Variants in HDLBP observed in about 807,000 individuals in gnomAD.
HDLBP encodes vigilin.
A neutral mutation model predicts 137.3 loss-of-function variants in HDLBP; 30 were observed. The ratio of observed to expected loss-of-function variants is 0.22; its 90% confidence interval spans 0.16 to 0.30. The LOEUF (loss-of-function observed/expected upper bound fraction) is 0.30, where lower values mean the gene tolerates loss of function less well. HDLBP is among the 10% of genes least tolerant of loss of function. The probability of loss-of-function intolerance (pLI) is 1.00; values close to 1 mark genes in which losing one functional copy is unlikely to be tolerated. For synonymous variants in HDLBP, 606 were observed against 596.0 expected (o/e 1.02, Z -0.24); for missense variants, 1,119 against 1,667.3 (o/e 0.67, Z 5.73).
intron 1 of HDLBP, among the ~76,000 whole-genome samples, chr2:241,294,884 T>C (rs2149669407): frequency 6.6e-6 from 1 of 152,218 alleles, no homozygotes; most frequent in African/African-American, 2.4e-5. Flanking sequence ...GTGGGTCACC[T>C]GAGGTCAGGA....
chr2:241,258,410 G>C lies in HDLBP; in HGVS notation c.451-1604C>G, dbSNP rs185303382. Reference sequence around the variant, plus strand: ...ATGGTGACGTGTGCCTGTGGTCCCAGCTACTGGGGTGGCTGAGGCAGGAGA... The same window carrying C: ...ATGGTGACGTGTGCCTGTGGTCCCACCTACTGGGGTGGCTGAGGCAGGAGA... On this transcript the variant is annotated intron_variant, in intron 5 of 27. Transcript: ENST00000310931. Among the ~76,000 whole-genome samples the C allele has an allele frequency of 4.1e-3, 617 of 149,944 alleles. 4 individuals are homozygous for C. The highest frequency in any genetic ancestry group is 5.9e-3 in the Non-Finnish European group (398 of 67,764).
chr2:241,264,345 G>GA, intron 4 of HDLBP, 103 bp downstream of exon 4: 1 of 795,976 alleles, frequency 1.3e-6, no homozygotes, highest in African/African-American at 1.8e-5. Context: ...CTGGGCGACA[G>GA]AGCGGGACTC....
chr2:241,290,349 G>A (rs989784606), intron 1 of HDLBP, among the ~76,000 whole-genome samples: 2 of 152,068 alleles, frequency 1.3e-5, no homozygotes, highest in East Asian at 3.9e-4. Flanking sequence ...AGTGGTTTAC[G>A]CCTGTAATCC....
Position 241,255,360 on chromosome 2 carries a change from TCG to T in HDLBP, c.1080+12_1080+13del. Reference sequence around the variant, plus strand: ...CACTCAAAGGAGACACACTTCATGCTCGGAGGCAGTTACCTTGGCATAGACTT... The same window carrying T: ...CACTCAAAGGAGACACACTTCATGCTGAGGCAGTTACCTTGGCATAGACTT... On this transcript the variant is annotated intron_variant, in intron 8 of 27. Coordinates refer to ENST00000310931, the MANE Select transcript of HDLBP (RefSeq NM_005336.6). 6.2e-7 allele frequency: 1 copy of T among 1,611,232 alleles called. No homozygotes were observed. Among genetic ancestry groups the T allele is most frequent in the African/African-American group, 1.3e-5 (1 of 74,990 alleles).
chr2:241,240,226 T>C lies in HDLBP; in HGVS notation c.2170-104A>G, dbSNP rs112677912. ...ACAGCAAGCTCGGGCTCCCCTTACATTGTCACCAGTGTCCTGATGTTGCAC... is the reference window on the plus strand; with the variant it reads ...ACAGCAAGCTCGGGCTCCCCTTACACTGTCACCAGTGTCCTGATGTTGCAC... On this transcript the variant is annotated intron_variant, in intron 17 of 27. Transcript: ENST00000310931. This position sits in a 1 kb window ranked among gnomAD's most constrained non-coding sequence, Gnocchi z 5.5. 9.7e-5 allele frequency: 105 copies of C among 1,080,732 alleles called. No individual in the cohort carries two copies. The African/African-American group carries it at 1.4e-3, about 14-fold the overall frequency. 66.9% of individuals were successfully genotyped at this position (1,080,732 alleles called of 1,614,324 possible). A position where few individuals can be genotyped will look rare whatever the true frequency, so the allele number is the denominator to read the frequency against.
At chr2:241,253,674 GC>G (rs539591009) in intron 9 of HDLBP, among the ~76,000 whole-genome samples, 177 bp from the exon 10 acceptor site, 100 of 152,276 alleles carry the variant, frequency 6.6e-4, no homozygotes, top group African/African-American at 2.2e-3. Flanking sequence ...GGGTTAGGGA[GC>G]CATAGTCAGG....
At chr2:241,279,971 T>C (rs1042991965) in intron 1 of HDLBP, 1 of 985,266 alleles carries the variant, frequency 1.0e-6, no homozygotes, top group African/African-American at 1.7e-5. Context: ...AGTGGAGCCA[T>C]GCTGAAGGGG....
At chr2:241,281,400 A>G (rs915693344) in intron 1 of HDLBP, among the ~76,000 whole-genome samples, 23 of 152,296 alleles carry the variant, frequency 1.5e-4, no homozygotes, top group African/African-American at 5.5e-4. Context: ...ACGTGCCTGT[A>G]ATCCCAGCTA....
intron 1 of HDLBP, among the ~76,000 whole-genome samples, chr2:241,306,092 A>G (rs1258180909): frequency 1.3e-5 from 2 of 151,832 alleles, no homozygotes; most frequent in Admixed American, 6.6e-5. Flanking sequence ...TTTTTATATC[A>G]TTCATGGATT....
At position 241,256,606 on chromosome 2, in the gene HDLBP, G is replaced by A. The variant is rs749361128; in HGVS notation, c.651C>T (p.Ala217=). 6.8e-6 allele frequency: 11 copies of A among 1,613,606 alleles called. No individual in the cohort carries two copies. The highest frequency in any genetic ancestry group is 3.3e-5 in the Admixed American group (2 of 60,002). ...GCACTCACACAGGCCTCACCTGCTC[G>A]GCAGAGATGAGTAAGACTTCATGGC... ...KARHEVLLIS[A]EQDKRAVERL... The change falls in exon 6 of 28, where the codon GCC becomes GCT. Residue 217 remains alanine, a synonymous_variant. Coordinates refer to ENST00000310931, the MANE Select transcript of HDLBP (RefSeq NM_005336.6).
Position 241,229,835 on chromosome 2 carries a change from T to A in HDLBP, c.3718A>T (p.Lys1240Ter). 7.2e-7 allele frequency: 1 copy of A among 1,395,754 alleles called. No homozygotes were observed. Among genetic ancestry groups the A allele is most frequent in the Non-Finnish European group, 9.6e-7 (1 of 1,046,918 alleles). The allele number at this position is 1,395,754 out of a possible 1,614,324, so 86.5% of individuals were successfully genotyped here. A position where few individuals can be genotyped will look rare whatever the true frequency, so the allele number is the denominator to read the frequency against. Residue 1240 changes from lysine to a stop codon, truncating the protein, a stop_gained and splice_region_variant, in exon 27 of 28, where the codon AAG becomes TAG. Transcript: ENST00000310931. LOFTEE classifies it high-confidence loss of function. ...DAPWTASSSE[K>*]APDMSSSEEF... ...GAGGGCAGAAGCCCGCATCTGACCT[T>A]CTCACTGCTGCTGGCGGTCCAGGGT...
Position 241,256,781 on chromosome 2 carries a change from T to C in HDLBP, c.476A>G (p.Lys159Arg), listed in dbSNP as rs1411286729. 3.7e-6 allele frequency: 6 copies of C among 1,614,148 alleles called. No homozygotes were observed. The highest frequency in any genetic ancestry group is 1.3e-5 in the African/African-American group (1 of 75,022). Residue 159 changes from lysine (K) to arginine (R), a missense_variant, in exon 6 of 28, where the codon AAA (lysine) becomes AGA (arginine). Around this residue, in one of 4 missense-constraint regions of HDLBP, gnomAD observed 425 missense variants for 693.9 expected, o/e 0.61. Transcript: ENST00000310931. ...GCCAATAACAAAGCGATGGTGTTCT[T>C]TGGGAATGGCAACAGTTGCTGAGGC... is the stretch of plus-strand genomic sequence containing the variant. The part of the protein sequence containing the change: ...TQASATVAIP[K>R]EHHRFVIGKN...
chr2:241,262,794 G>T lies in HDLBP; in HGVS notation c.367C>A (p.Gln123Lys), dbSNP rs1356351149. The T allele has an allele frequency of 6.2e-7, 1 of 1,613,938 alleles. No homozygotes were observed. ...AHLELSLAKDQGLSIMVSGKL... is the reference protein window; with the variant it reads ...AHLELSLAKDKGLSIMVSGKL... ...CCTGACACCATGATGGAGAGGCCTT[G>T]GTCTTTGGCCAAAGACAGCTCCAAG... is the stretch of plus-strand genomic sequence containing the variant. The change falls in exon 5 of 28, where the codon CAA (glutamine) becomes AAA (lysine). Residue 123 changes from glutamine to lysine, a missense_variant. Coordinates refer to ENST00000310931, the MANE Select transcript of HDLBP (RefSeq NM_005336.6).
At position 241,276,746 on chromosome 2, in the gene HDLBP, A is replaced by G. The variant is rs184004850; in HGVS notation, c.-102-8205T>C. Among the ~76,000 whole-genome samples, 437 of 152,264 alleles carry G rather than the reference A, an allele frequency of 2.9e-3. 3 individuals are homozygous for G. Among genetic ancestry groups the G allele is most frequent in the Middle Eastern group, 0.024 (7 of 294 alleles). ...AGGTCAAGAACTTAAAAATTCAGTAACTCTGATTACATGTATCTAATAACA... is the reference window on the plus strand; with the variant it reads ...AGGTCAAGAACTTAAAAATTCAGTAGCTCTGATTACATGTATCTAATAACA... On this transcript the variant is annotated intron_variant, in intron 1 of 27. Transcript: ENST00000310931.
chr2:241,251,678 T>TA (rs1003513819), intron 11 of HDLBP, among the ~76,000 whole-genome samples: 75 of 152,214 alleles, frequency 4.9e-4, no homozygotes, highest in African/African-American at 1.7e-3. Flanking sequence ...CAAAGAGGTG[T>TA]AAAAAAACAT....
At chr2:241,260,461 C>T (rs2073061782) in intron 5 of HDLBP, among the ~76,000 whole-genome samples, 1 of 152,172 alleles carries the variant, frequency 6.6e-6, no homozygotes, top group Non-Finnish European at 1.5e-5. Flanking sequence ...CTGATCAACA[C>T]TGAAGTCGCC....
At position 241,233,809 on chromosome 2, in the gene HDLBP, G is replaced by C. The variant is rs1471759167; in HGVS notation, c.3288+11C>G. On this transcript the variant is annotated intron_variant, in intron 24 of 27. Coordinates refer to ENST00000310931, the MANE Select transcript of HDLBP (RefSeq NM_005336.6). This position sits in a 1 kb window ranked among gnomAD's most constrained non-coding sequence, Gnocchi z 4.3. ...CCTCTGCCCCCGACACGCTCCAACC[G>C]AGGCTCTCACCTGGTTCCCATCGTC... is the stretch of plus-strand genomic sequence containing the variant. 6.2e-7 allele frequency: 1 copy of C among 1,614,026 alleles called. No homozygotes were observed. The highest frequency in any genetic ancestry group is 1.7e-5 in the Admixed American group (1 of 60,020).
chr2:241,266,166 C>T (rs1294465548), intron 3 of HDLBP, among the ~76,000 whole-genome samples: 4 of 152,128 alleles, frequency 2.6e-5, no homozygotes, highest in African/African-American at 9.7e-5. Flanking sequence ...AATGTCCCAC[C>T]GTTGTAAATA....
At position 241,272,243 on chromosome 2, in the gene HDLBP, C is replaced by T. The variant is rs1235540700; in HGVS notation, c.-102-3702G>A. The T allele has an allele frequency of 1.0e-6, 1 of 966,030 alleles. No individual in the cohort carries two copies. The highest frequency in any genetic ancestry group is 1.8e-5 in the African/African-American group (1 of 56,830). The allele number at this position is 966,030 out of a possible 1,614,324, so 59.8% of individuals were successfully genotyped here. ...GCCCGGTCTGCGCCCAGACCCCCGC[C>T]CCGCCGCCACCTGGGGGGAAGGACC... On this transcript the variant is annotated intron_variant, in intron 1 of 27. Coordinates refer to ENST00000310931, the MANE Select transcript of HDLBP (RefSeq NM_005336.6). This position sits in a 1 kb window ranked among gnomAD's most constrained non-coding sequence, Gnocchi z 5.6.
Sources: allele counts gnomAD v4.1 joint callset (sites outside exome capture counted in the v4.1 genomes callset), GRCh38; gene constraint gnomAD v4.1.1; regional missense constraint gnomAD v4.1.1; non-coding constraint Gnocchi (gnomAD v3.1); transcripts MANE v1.5; gene names NCBI Gene and HGNC (gene_info 2026-07-23, HGNC 2026-07-21).